The following C4orf36 variants were observed in gnomAD, a reference collection of about 807,000 sequenced individuals.
The protein encoded by C4orf36 is uncharacterized protein C4orf36.
Under a neutral mutation model 12.2 loss-of-function variants are expected in C4orf36, and 11 were observed. The ratio of observed to expected loss-of-function variants is 0.90; its 90% confidence interval spans 0.57 to 1.49. The LOEUF (loss-of-function observed/expected upper bound fraction) is 1.49. Ranked by LOEUF, C4orf36 falls within the 40% of genes most tolerant of loss-of-function variation. C4orf36 has a pLI of 0.00. For missense variants in C4orf36, 137 were observed against 133.9 expected (o/e 1.02, Z -0.11); for synonymous variants, 54 against 51.3 (o/e 1.05, Z -0.22).
chr4:86,933,464 G>A, the C4orf36 span: 1 of 152,078 alleles, frequency 6.6e-6, no homozygotes, highest in Admixed American at 6.6e-5. Flanking sequence ...TCCAAAGGCA[G>A]GAAAATAAAA....
Position 86,888,290 on chromosome 4 carries a change from C to T in C4orf36, c.66-15G>A. 6.2e-7 allele frequency: 1 copy of T among 1,610,334 alleles called. No homozygotes were observed. The highest frequency in any genetic ancestry group is 8.5e-7 in the Non-Finnish European group (1 of 1,177,536). ...AAGGTTCCTGTCTGGGGCAAAAATT[C>T]ATTAATCCATTCAATAAATATTGAT... On this transcript the variant is annotated splice_polypyrimidine_tract_variant and intron_variant, in intron 2 of 4. Transcript: ENST00000295898.
chr4:86,877,036 T>C (rs1419560181), intron 4 of C4orf36, among the ~76,000 whole-genome samples: 2 of 152,192 alleles, frequency 1.3e-5, no homozygotes, highest in East Asian at 3.9e-4. Flanking sequence ...GATGGATTAG[T>C]GACAGTAACC....
chr4:86,932,767 G>A, the C4orf36 span, among the ~76,000 whole-genome samples: 2 of 134,508 alleles, frequency 1.5e-5, no homozygotes, highest in East Asian at 4.5e-4. Context: ...GATTTATTTG[G>A]GGGGGTGGGG....
chr4:86,919,313 CCCTTTTT>C, the C4orf36 span, among the ~76,000 whole-genome samples: 4 of 126,806 alleles, frequency 3.2e-5, no homozygotes, highest in African/African-American at 1.2e-4. Flanking sequence ...GCTTTTTTCC[CCCTTTTT>C]TTTTTTTTTT....
the C4orf36 span, among the ~76,000 whole-genome samples, chr4:86,905,909 C>T: frequency 6.6e-6 from 1 of 152,016 alleles, no homozygotes; most frequent in Non-Finnish European, 1.5e-5. Flanking sequence ...TTAGTAGAGA[C>T]AGGGTTTCAC....
At chr4:86,917,480 G>GA in the C4orf36 span, among the ~76,000 whole-genome samples, 3 of 135,212 alleles carry the variant, frequency 2.2e-5, no homozygotes, top group South Asian at 4.5e-4. Flanking sequence ...AAGAAATAAA[G>GA]AAAAAGAAAG....
At chr4:86,932,423 C>G in the C4orf36 span, 3 of 151,202 alleles carry the variant, frequency 2.0e-5, no homozygotes, top group African/African-American at 7.3e-5. Flanking sequence ...TACATGCAGT[C>G]ATTTGGAGGA....
At chr4:86,914,179 A>C in the C4orf36 span, 4 of 1,590,518 alleles carry the variant, frequency 2.5e-6, no homozygotes, top group Non-Finnish European at 3.5e-6. Context: ...CCTAGTGGGG[A>C]CTACTTCACA....
the C4orf36 span, among the ~76,000 whole-genome samples, chr4:86,924,352 G>A: frequency 1.2e-3 from 177 of 152,100 alleles, 1 homozygote; most frequent in African/African-American, 4.0e-3. Flanking sequence ...GACGTGCATC[G>A]GCACACCTGG....
chr4:86,884,981 T>G (rs1201099648), intron 4 of C4orf36, among the ~76,000 whole-genome samples: 1 of 152,256 alleles, frequency 6.6e-6, no homozygotes, highest in African/African-American at 2.4e-5. Flanking sequence ...ATTGTTCGTT[T>G]TTGTCAGGTT....
rs1323211085 is a variant in C4orf36, at chr4:86,876,294, C to A, written c.*152G>T. 1.4e-5 allele frequency: 16 copies of A among 1,153,132 alleles called. No individual in the cohort carries two copies. The highest frequency in any genetic ancestry group is 1.7e-5 in the South Asian group (1 of 59,676). 71.4% of individuals were successfully genotyped at this position (1,153,132 alleles called of 1,614,324 possible). On this transcript the variant is annotated 3_prime_UTR_variant, in exon 5 of 5. Coordinates refer to ENST00000295898, the MANE Select transcript of C4orf36 (RefSeq NM_144645.4). The stretch of plus-strand genomic sequence containing the variant: ...TTAAGAGATTTTCTCGGTCTCTGGG[C>A]GGGCCGTGGGAGGCTTCCTGAGGTG...
At chr4:86,884,960 A>G (rs2051409427) in intron 4 of C4orf36, among the ~76,000 whole-genome samples, 2 of 152,184 alleles carry the variant, frequency 1.3e-5, no homozygotes, top group Non-Finnish European at 2.9e-5. Context: ...TAAATAGGGA[A>G]TCCTTTCCCC....
the C4orf36 span, among the ~76,000 whole-genome samples, chr4:86,903,428 G>A: frequency 4.9e-4 from 75 of 152,238 alleles, no homozygotes; most frequent in East Asian, 7.3e-3. Flanking sequence ...TCTTGGTCTC[G>A]CTGAATGAAG....
the C4orf36 span, chr4:86,924,527 G>C: frequency 6.6e-6 from 1 of 152,184 alleles, no homozygotes; most frequent in African/African-American, 2.4e-5. Context: ...ATTTTTTATA[G>C]AGACAAGGGC....
upstream of C4orf36, among the ~76,000 whole-genome samples, chr4:86,895,040 G>A (rs188129166): frequency 2.6e-3 from 393 of 152,268 alleles, 1 homozygote; most frequent in Non-Finnish European, 4.7e-3. Flanking sequence ...AGTTGGGCAC[G>A]GTGGCTCATG....
At chr4:86,932,136 C>T in the C4orf36 span, 1 of 151,838 alleles carries the variant, frequency 6.6e-6, no homozygotes, top group African/African-American at 2.4e-5. Flanking sequence ...AACCTGAGGT[C>T]CGGAGTTCGA....
At chr4:86,934,524 A>G in the C4orf36 span, 1 of 152,204 alleles carries the variant, frequency 6.6e-6, no homozygotes, top group African/African-American at 2.4e-5. Context: ...GGAAATGGGA[A>G]CAATATATCT....
At chr4:86,876,470 G>C in intron 4 of C4orf36, 27 bp from the exon 5 acceptor site, 3 of 1,613,058 alleles carry the variant, frequency 1.9e-6, no homozygotes, top group Middle Eastern at 3.3e-4. Flanking sequence ...GGGAAAATAA[G>C]ATTTTATTTT....
the C4orf36 span, chr4:86,933,483 C>T: frequency 6.6e-6 from 1 of 152,168 alleles, no homozygotes. Flanking sequence ...AATGATCACA[C>T]TTCCACTGTC....
Sources: allele counts gnomAD v4.1 joint callset (sites outside exome capture counted in the v4.1 genomes callset), GRCh38; gene constraint gnomAD v4.1.1; transcripts MANE v1.5; gene names NCBI Gene and HGNC (gene_info 2026-07-23, HGNC 2026-07-21).